SPOCK3: variants seen among roughly 807,000 people sequenced by gnomAD.
SPOCK3 encodes the protein testican-3.
Under a neutral mutation model 56.6 loss-of-function variants are expected in SPOCK3, and 30 were observed. The observed-to-expected ratio is 0.53, with a 90% CI of 0.40 to 0.72. The LOEUF (loss-of-function observed/expected upper bound fraction) is 0.72, where lower values mean the gene tolerates loss of function less well. Ranked by LOEUF, SPOCK3 falls within the 30% of genes least tolerant of loss-of-function variation. The pLI is 0.00. For missense variants in SPOCK3, 527 were observed against 530.0 expected, an observed-to-expected ratio of 0.99 and a Z score of 0.06; for synonymous variants, 196 against 183.3, an observed-to-expected ratio of 1.07 and a Z score of -0.56.
At chr4:166,957,265 A>G (rs1743605344) in intron 4 of SPOCK3, among the ~76,000 whole-genome samples, 1 of 152,186 alleles carries the variant, frequency 6.6e-6, no homozygotes, top group African/African-American at 2.4e-5. Context: ...AGAGAGAATA[A>G]TAAATGCAAA....
At chr4:167,073,884 C>T (rs888140210) in intron 2 of SPOCK3, among the ~76,000 whole-genome samples, 1 of 151,676 alleles carries the variant, frequency 6.6e-6, no homozygotes, top group African/African-American at 2.4e-5. Context: ...CTATTATATC[C>T]TTTATTATCT....
chr4:166,950,770 A>G (rs1321087147), intron 4 of SPOCK3, among the ~76,000 whole-genome samples: 12 of 148,078 alleles, frequency 8.1e-5, no homozygotes, highest in East Asian at 2.0e-4. Flanking sequence ...TAGAACTCAG[A>G]ATTAAGAATC....
chr4:167,226,105 A>C (rs533321115), intron 2 of SPOCK3, among the ~76,000 whole-genome samples: 1 of 152,310 alleles, frequency 6.6e-6, no homozygotes, highest in South Asian at 2.1e-4. Context: ...AAGGAATTCC[A>C]TTCCTATGAC....
At chr4:166,959,619 G>A (rs202149637) in intron 4 of SPOCK3, among the ~76,000 whole-genome samples, 174 of 145,008 alleles carry the variant, frequency 1.2e-3, no homozygotes, top group Non-Finnish European at 1.3e-3. Context: ...CTCAAAAAAA[G>A]AAAAAAAAAA....
chr4:166,814,302 G>C (rs1744164680), intron 6 of SPOCK3, among the ~76,000 whole-genome samples: 1 of 152,064 alleles, frequency 6.6e-6, no homozygotes, highest in Non-Finnish European at 1.5e-5. Context: ...TTAATGTTAG[G>C]TGTCAATTGG....
chr4:166,890,414 T>A (rs1560977584), intron 5 of SPOCK3, among the ~76,000 whole-genome samples: 1 of 151,996 alleles, frequency 6.6e-6, no homozygotes, highest in East Asian at 1.9e-4. Context: ...ACAGCCAGTT[T>A]TTCCCCACGC....
intron 4 of SPOCK3, among the ~76,000 whole-genome samples, chr4:166,948,734 C>T (rs1242892601): frequency 6.6e-6 from 1 of 152,112 alleles, no homozygotes; most frequent in Admixed American, 6.6e-5. Flanking sequence ...ATGGGCTTCC[C>T]TTTGTGGGTA....
intron 2 of SPOCK3, among the ~76,000 whole-genome samples, chr4:167,153,889 C>T (rs906344228): frequency 8.7e-6 from 1 of 114,662 alleles, no homozygotes; most frequent in Non-Finnish European, 1.8e-5. Flanking sequence ...AATGACAAGA[C>T]ATAGGTAGAT....
chr4:167,031,707 G>A (rs1752291688), intron 3 of SPOCK3, among the ~76,000 whole-genome samples: 1 of 151,914 alleles, frequency 6.6e-6, no homozygotes, highest in African/African-American at 2.4e-5. Flanking sequence ...TTAAAAATAG[G>A]GTTTATGCAT....
intron 4 of SPOCK3, among the ~76,000 whole-genome samples, chr4:166,958,177 T>G (rs1328814891): frequency 6.6e-6 from 1 of 152,182 alleles, no homozygotes; most frequent in African/African-American, 2.4e-5. Context: ...TTCACAATAG[T>G]GAGTGTGCTC....
chr4:167,064,913 C>T (rs1356388038), intron 2 of SPOCK3, among the ~76,000 whole-genome samples: 1 of 151,172 alleles, frequency 6.6e-6, no homozygotes, highest in Non-Finnish European at 1.5e-5. Flanking sequence ...TTATGTCTGT[C>T]AGTGTCTTTG....
At chr4:166,825,426 A>G (rs1745356227) in intron 6 of SPOCK3, among the ~76,000 whole-genome samples, 1 of 152,132 alleles carries the variant, frequency 6.6e-6, no homozygotes, top group Non-Finnish European at 1.5e-5. Context: ...GAACAATTTT[A>G]CACCGCTGGT....
chr4:166,925,376 T>C (rs1172649871), intron 4 of SPOCK3, among the ~76,000 whole-genome samples: 3 of 151,568 alleles, frequency 2.0e-5, no homozygotes, highest in East Asian at 3.9e-4. Context: ...AACTACAAAA[T>C]AGAAGAAAAA....
rs374920664 is a variant in SPOCK3 at position 167,025,249 on chromosome 4, C to T, written c.236-24786G>A. 5.3e-5 allele frequency among the ~76,000 whole-genome samples: 8 copies of T among 151,192 alleles called. No individual in the cohort carries two copies. In the East Asian group the frequency reaches 1.6e-3, roughly 30 times the overall value. On this transcript the variant is annotated intron_variant, in intron 3 of 10. Transcript: ENST00000357545. The stretch of plus-strand genomic sequence containing the variant: ...TTTTTTTTTTCCTTAGAAAAAACTG[C>T]CCATCTGCAGATGGTTTCACCCTGA...
intron 2 of SPOCK3, among the ~76,000 whole-genome samples, chr4:167,109,346 TA>T (rs1169868692): frequency 1.4e-5 from 1 of 74,008 alleles, no homozygotes; most frequent in African/African-American, 5.4e-5. Flanking sequence ...TATTATATAA[TA>T]AAATAAATAT....
intron 6 of SPOCK3, among the ~76,000 whole-genome samples, chr4:166,831,240 C>T (rs1356106736): frequency 6.6e-6 from 1 of 152,100 alleles, no homozygotes; most frequent in Non-Finnish European, 1.5e-5. Flanking sequence ...ATGTTTGTAG[C>T]TTTCATTTAA....
At chr4:166,745,208 G>A (rs1735435697) in intron 8 of SPOCK3, among the ~76,000 whole-genome samples, 2 of 152,156 alleles carry the variant, frequency 1.3e-5, no homozygotes, top group South Asian at 4.1e-4. Flanking sequence ...AGGTGGAAAT[G>A]AAGGAAAAAA....
At chr4:166,851,172 G>A (rs1430778521) in intron 6 of SPOCK3, among the ~76,000 whole-genome samples, 1 of 152,182 alleles carries the variant, frequency 6.6e-6, no homozygotes, top group East Asian at 1.9e-4. Context: ...TGACCCCCGA[G>A]CAGCCTAACT....
chr4:166,991,933 C>A lies in SPOCK3; in HGVS notation c.350+8416G>T, dbSNP rs531711243. Among the ~76,000 whole-genome samples the A allele has an allele frequency of 5.7e-4, 87 of 152,168 alleles. 3 individuals are homozygous for A. The South Asian group carries it at 0.017, about 30-fold the overall frequency. ...GTGTATATAAAGATACATGCTGAAG[C>A]GTGTTGTACAAAGCATGATAATAAG... On this transcript the variant is annotated intron_variant, in intron 4 of 10. Transcript: ENST00000357545.
Sources: allele counts gnomAD v4.1 joint callset (sites outside exome capture counted in the v4.1 genomes callset), GRCh38; gene constraint gnomAD v4.1.1; transcripts MANE v1.5; gene names NCBI Gene and HGNC (gene_info 2026-07-23, HGNC 2026-07-21).